Variants in C12orf42 observed in about 807,000 individuals in gnomAD.
C12orf42 encodes chromosome 12 open reading frame 42, also known as uncharacterized protein C12orf42.
C12orf42 carries 25 observed loss-of-function variants against 21.6 expected under a neutral mutation model. That is an observed-to-expected ratio of 1.16 (90% confidence interval 0.84 to 1.62). The LOEUF (loss-of-function observed/expected upper bound fraction) is 1.62, where lower values mean the gene tolerates loss of function less well. Ranked by LOEUF, C12orf42 falls within the 40% of genes most tolerant of loss-of-function variation. C12orf42 has a pLI of 0.00. For synonymous variants in C12orf42, 174 were observed against 175.0 expected (o/e 0.99, Z 0.05); for missense variants, 483 against 459.3 (o/e 1.05, Z -0.47).
chr12:103,397,978 A>T (rs1211323786), intron 3 of C12orf42, among the ~76,000 whole-genome samples: 1 of 152,194 alleles, frequency 6.6e-6, no homozygotes, highest in Non-Finnish European at 1.5e-5. Flanking sequence ...CCCCAAACAC[A>T]CTGACTTGAT....
chr12:103,198,524 C>T, the C12orf42 span, among the ~76,000 whole-genome samples: 1 of 152,194 alleles, frequency 6.6e-6, no homozygotes, highest in African/African-American at 2.4e-5. Context: ...GATGGGCATC[C>T]CTCGCCATGC....
At chr12:103,066,071 G>C in the C12orf42 span, among the ~76,000 whole-genome samples, 2 of 152,154 alleles carry the variant, frequency 1.3e-5, no homozygotes, top group African/African-American at 2.4e-5. Flanking sequence ...CACAGCGGAG[G>C]CCTCTAGGAT....
At chr12:103,539,374 A>T in the C12orf42 span, among the ~76,000 whole-genome samples, 2 of 151,234 alleles carry the variant, frequency 1.3e-5, no homozygotes, top group African/African-American at 2.4e-5. Flanking sequence ...TTTTTTTTTA[A>T]TAAGGAAAAA....
At chr12:103,093,695 C>T in the C12orf42 span, among the ~76,000 whole-genome samples, 7 of 152,152 alleles carry the variant, frequency 4.6e-5, no homozygotes, top group Non-Finnish European at 8.8e-5. Flanking sequence ...GCCCATGAAC[C>T]GCAGGTATCT....
chr12:103,234,795 ATATATACAGC>A (rs2033419366), downstream of C12orf42, among the ~76,000 whole-genome samples: 1 of 152,160 alleles, frequency 6.6e-6, no homozygotes. Flanking sequence ...CCTTCTGAAC[ATATATACAGC>A]ACTTACTTTA....
At chr12:103,124,317 G>A in the C12orf42 span, among the ~76,000 whole-genome samples, 1 of 151,936 alleles carries the variant, frequency 6.6e-6, no homozygotes, top group Admixed American at 6.6e-5. Flanking sequence ...AGAAAAGTGT[G>A]TACCATGGCT....
chr12:103,173,766 G>A, the C12orf42 span, among the ~76,000 whole-genome samples: 221 of 152,136 alleles, frequency 1.5e-3, no homozygotes, highest in African/African-American at 5.1e-3. Flanking sequence ...TTAATCGTGT[G>A]GTTTCTTCTC....
the C12orf42 span, among the ~76,000 whole-genome samples, chr12:103,535,246 G>A: frequency 6.6e-6 from 1 of 152,160 alleles, no homozygotes; most frequent in South Asian, 2.1e-4. Flanking sequence ...CAGATGGAAA[G>A]GATAGTTTTA....
At chr12:103,491,051 A>T (rs1313434566) in intron 1 of C12orf42, among the ~76,000 whole-genome samples, 5 of 152,206 alleles carry the variant, frequency 3.3e-5, no homozygotes. Flanking sequence ...ATAAATTAGA[A>T]AAATTTCACC....
the C12orf42 span, among the ~76,000 whole-genome samples, chr12:103,526,575 A>G: frequency 1.3e-5 from 2 of 152,216 alleles, no homozygotes; most frequent in African/African-American, 4.8e-5. Context: ...AATTTTCCCA[A>G]TACTATGGAC....
chr12:103,497,206 A>G (rs1017074343), upstream of C12orf42, among the ~76,000 whole-genome samples: 3 of 152,204 alleles, frequency 2.0e-5, no homozygotes, highest in East Asian at 5.8e-4. Flanking sequence ...CAAAATATCC[A>G]TGGCTTTGAC....
chr12:103,470,869 A>G (rs1392661218), intron 2 of C12orf42, among the ~76,000 whole-genome samples: 1 of 152,102 alleles, frequency 6.6e-6, no homozygotes, highest in East Asian at 1.9e-4. Flanking sequence ...GTGAGAGAAG[A>G]AGCTTCCAGA....
Position 103,346,632 on chromosome 12 carries a change from T to C in C12orf42, c.259+22255A>G, listed in dbSNP as rs115472452. ...TGTTACTCCTCTCTGGAAGCCTCAGTGTGACTACAAGAGGCACTCCTATAC... is the reference window on the plus strand; with the variant it reads ...TGTTACTCCTCTCTGGAAGCCTCAGCGTGACTACAAGAGGCACTCCTATAC... On this transcript the variant is annotated intron_variant, in intron 4 of 5. Transcript: ENST00000548883. 9.0e-3 allele frequency among the ~76,000 whole-genome samples: 1,377 copies of C among 152,312 alleles called. 12 individuals carry two copies. Among genetic ancestry groups the C allele is most frequent in the African/African-American group, 0.032 (1,323 of 41,552 alleles).
chr12:103,146,814 A>C, the C12orf42 span, among the ~76,000 whole-genome samples: 1 of 152,158 alleles, frequency 6.6e-6, no homozygotes, highest in Non-Finnish European at 1.5e-5. Context: ...TTCCCCAAAG[A>C]TTATCTACCA....
intron 10 of C12orf42, among the ~76,000 whole-genome samples, chr12:103,251,644 G>T (rs2034309984): frequency 6.6e-6 from 1 of 152,114 alleles, no homozygotes; most frequent in Admixed American, 6.6e-5. Flanking sequence ...AACTAATTTT[G>T]AACATGGCCT....
At chr12:103,457,253 T>C (rs1952361219) in intron 2 of C12orf42, among the ~76,000 whole-genome samples, 1 of 152,170 alleles carries the variant, frequency 6.6e-6, no homozygotes, top group African/African-American at 2.4e-5. Flanking sequence ...GAACTAAACA[T>C]GAAGATATAA....
chr12:103,374,856 C>T (rs1403177912), intron 3 of C12orf42, among the ~76,000 whole-genome samples: 1 of 152,170 alleles, frequency 6.6e-6, no homozygotes, highest in African/African-American at 2.4e-5. Flanking sequence ...CTAGATAAAA[C>T]TGACCAGTTC....
chr12:103,083,290 G>C, the C12orf42 span, among the ~76,000 whole-genome samples: 2 of 152,134 alleles, frequency 1.3e-5, no homozygotes, highest in African/African-American at 4.8e-5. Context: ...CTTGAACCCG[G>C]GAGGCAGAGG....
rs185858630 is a variant in C12orf42, at chr12:103,376,781, C to T, written c.148-7783G>A. Among the ~76,000 whole-genome samples the T allele has an allele frequency of 3.3e-3, 500 of 152,136 alleles. 3 individuals are homozygous for T. The highest frequency in any genetic ancestry group is 0.011 in the African/African-American group (474 of 41,504). On this transcript the variant is annotated intron_variant, in intron 3 of 5. Transcript: ENST00000548883. The stretch of plus-strand genomic sequence containing the variant: ...TTAGTGTGGGTTTTCTTTCATTATA[C>T]TGGGCACTCGAGCAAGCCATATCAA...
Sources: gnomAD v4.1 joint callset for allele counts (sites outside exome capture counted in the v4.1 genomes callset) on GRCh38, gnomAD v4.1.1 for gene constraint, MANE v1.5 for transcripts, NCBI Gene and HGNC (gene_info 2026-07-23, HGNC 2026-07-21) for gene names.